BCKDHB: variants seen among roughly 807,000 people sequenced by gnomAD.
BCKDHB encodes 2-oxoisovalerate dehydrogenase subunit beta, mitochondrial.
A neutral mutation model predicts 48.5 loss-of-function variants in BCKDHB; 41 were observed. The ratio of observed to expected loss-of-function variants is 0.85; its 90% CI spans 0.66 to 1.10. BCKDHB has a LOEUF of 1.10. BCKDHB is among the 50% of genes least tolerant of loss of function. The pLI is 0.00. For synonymous variants in BCKDHB, 201 were observed against 174.8 expected, an observed-to-expected ratio of 1.15 and a Z score of -1.18; for missense variants, 496 against 494.2, an observed-to-expected ratio of 1.00 and a Z score of -0.03.
chr6:80,364,014 A>G, the BCKDHB span, among the ~76,000 whole-genome samples: 10 of 152,238 alleles, frequency 6.6e-5, no homozygotes, highest in East Asian at 1.9e-4. Flanking sequence ...CAGTGGGGTA[A>G]AAGTTGCTAA....
chr6:80,420,572 T>C, the BCKDHB span, among the ~76,000 whole-genome samples: 1 of 152,204 alleles, frequency 6.6e-6, no homozygotes, highest in African/African-American at 2.4e-5. Context: ...CCAAGGGCTC[T>C]TTGCTGGAAC....
intron 6 of BCKDHB, among the ~76,000 whole-genome samples, chr6:80,196,609 T>C (rs561485924): frequency 7.2e-5 from 11 of 152,308 alleles, no homozygotes; most frequent in African/African-American, 2.6e-4. Context: ...GCAGCAACTA[T>C]TCAATGAAAA....
At chr6:80,194,098 A>C (rs1416691236) in intron 6 of BCKDHB, among the ~76,000 whole-genome samples, 1 of 152,132 alleles carries the variant, frequency 6.6e-6, no homozygotes, top group Admixed American at 6.6e-5. Flanking sequence ...CATTAAGCCC[A>C]GTTTCTCATA....
At chr6:80,125,125 A>G (rs575935711) in intron 1 of BCKDHB, among the ~76,000 whole-genome samples, 1 of 152,286 alleles carries the variant, frequency 6.6e-6, no homozygotes, top group East Asian at 1.9e-4. Context: ...GATCTTCTGG[A>G]TAATTTACTG....
chr6:80,241,722 T>C (rs1776398140), intron 8 of BCKDHB, among the ~76,000 whole-genome samples: 1 of 152,248 alleles, frequency 6.6e-6, no homozygotes. Context: ...TAGTAGGTAT[T>C]GTCAAATGAT....
chr6:80,134,590 A>G (rs1190957408), intron 3 of BCKDHB, among the ~76,000 whole-genome samples: 3 of 152,092 alleles, frequency 2.0e-5, no homozygotes. Flanking sequence ...ATTTGTTTTT[A>G]AAAAGAGGAA....
At chr6:80,119,617 C>G (rs770587359) in intron 1 of BCKDHB, among the ~76,000 whole-genome samples, 1 of 152,198 alleles carries the variant, frequency 6.6e-6, no homozygotes, top group African/African-American at 2.4e-5. Context: ...GCCATCACGC[C>G]TGGCCAATGT....
chr6:80,281,870 AAAG>A (rs1410847538), intron 9 of BCKDHB, among the ~76,000 whole-genome samples: 1 of 151,954 alleles, frequency 6.6e-6, no homozygotes, highest in Non-Finnish European at 1.5e-5. Context: ...TAGAAAAAAA[AAAG>A]AAAACCACTA....
chr6:80,169,983 C>G (rs1332856986), intron 5 of BCKDHB: 1 of 1,241,680 alleles, frequency 8.1e-7, no homozygotes, highest in African/African-American at 1.6e-5. Context: ...AAGAACAGAT[C>G]TTTTCTGTCT....
At chr6:80,295,802 A>G (rs534445846) in intron 9 of BCKDHB, among the ~76,000 whole-genome samples, 1 of 151,420 alleles carries the variant, frequency 6.6e-6, no homozygotes, top group Non-Finnish European at 1.5e-5. Flanking sequence ...CTTATTCACT[A>G]TCATGTGAAT....
At chr6:80,220,379 T>A (rs578180415) in intron 8 of BCKDHB, among the ~76,000 whole-genome samples, 3 of 145,582 alleles carry the variant, frequency 2.1e-5, no homozygotes, top group African/African-American at 7.4e-5. Flanking sequence ...TTATGTTCTA[T>A]AGATTATCTC....
chr6:80,106,916 C>G, intron 1 of BCKDHB, 27 bp downstream of exon 1: 23 of 1,579,690 alleles, frequency 1.5e-5, no homozygotes, highest in Non-Finnish European at 1.9e-5. Flanking sequence ...CCCACTCGGT[C>G]CCGCTGCAGC....
chr6:80,380,206 T>C, the BCKDHB span, among the ~76,000 whole-genome samples: 2 of 151,856 alleles, frequency 1.3e-5, no homozygotes, highest in Non-Finnish European at 2.9e-5. Context: ...GCCATACTAA[T>C]AAAAACTGCG....
At chr6:80,115,468 A>G (rs888531062) in intron 1 of BCKDHB, among the ~76,000 whole-genome samples, 9 of 152,180 alleles carry the variant, frequency 5.9e-5, no homozygotes, top group African/African-American at 2.2e-4. Flanking sequence ...AGAATAGGGT[A>G]TCTGGATGGA....
chr6:80,452,171 A>G, the BCKDHB span, among the ~76,000 whole-genome samples: 1 of 152,212 alleles, frequency 6.6e-6, no homozygotes, highest in Non-Finnish European at 1.5e-5. Context: ...TAGATCTTGT[A>G]TACATGGTTT....
intron 9 of BCKDHB, among the ~76,000 whole-genome samples, chr6:80,298,495 T>A (rs1383404730): frequency 6.6e-6 from 1 of 152,248 alleles, no homozygotes; most frequent in African/African-American, 2.4e-5. Context: ...AACCTCCAAG[T>A]GCTCAGAGAA....
At chr6:80,353,557 A>G in the BCKDHB span, among the ~76,000 whole-genome samples, 1 of 151,694 alleles carries the variant, frequency 6.6e-6, no homozygotes, top group Non-Finnish European at 1.5e-5. Flanking sequence ...TTGTCTTTTA[A>G]TAATAGCTCT....
Position 80,280,523 on chromosome 6 carries a change from T to TA in BCKDHB, c.1038+7305dup, listed in dbSNP as rs144519976. Among the ~76,000 whole-genome samples the TA allele has an allele frequency of 4.9e-3, 747 of 152,228 alleles. 5 individuals carry two copies. The highest frequency in any genetic ancestry group is 0.017 in the African/African-American group (717 of 41,528). ...GGTCCCATGAGATCATAGTGGAGCA[T>TA]AAATAGAAACCTAATAATATGGTGC... On this transcript the variant is annotated intron_variant, in intron 9 of 9. Transcript: ENST00000320393.
At chr6:80,255,707 G>C (rs1777021132) in intron 8 of BCKDHB, among the ~76,000 whole-genome samples, 1 of 152,164 alleles carries the variant, frequency 6.6e-6, no homozygotes, top group South Asian at 2.1e-4. Flanking sequence ...CATGTGTTTA[G>C]AGAACAATGG....
Sources: allele counts gnomAD v4.1 joint callset (sites outside exome capture counted in the v4.1 genomes callset), GRCh38; gene constraint gnomAD v4.1.1; transcripts MANE v1.5; gene names NCBI Gene and HGNC (gene_info 2026-07-23, HGNC 2026-07-21).